Variants in CNTNAP2 observed in about 807,000 individuals in gnomAD.
The protein encoded by CNTNAP2 is contactin associated protein 2.
Under a neutral mutation model 155.2 loss-of-function variants are expected in CNTNAP2, and 98 were observed. That is an observed-to-expected ratio of 0.63 (90% CI 0.54 to 0.75). The LOEUF (loss-of-function observed/expected upper bound fraction) is 0.75. Among genes scored for constraint, CNTNAP2 ranks in the 30% least tolerant of loss-of-function variants. CNTNAP2 has a pLI of 0.00. For synonymous variants in CNTNAP2, 651 were observed against 631.2 expected (o/e 1.03, Z -0.47); for missense variants, 1,727 against 1,688.1 (o/e 1.02, Z -0.40).
chr7:148,140,414 T>G (rs551925384), intron 16 of CNTNAP2, among the ~76,000 whole-genome samples: 2 of 149,828 alleles, frequency 1.3e-5, no homozygotes, highest in South Asian at 4.2e-4. Flanking sequence ...CCATCTTTTT[T>G]CTTTTTCTTT....
chr7:146,375,306 C>G (rs560296016), intron 1 of CNTNAP2, among the ~76,000 whole-genome samples: 5 of 152,316 alleles, frequency 3.3e-5, no homozygotes, highest in African/African-American at 9.6e-5. Context: ...AGTATGGACT[C>G]CAGCCAGAAT....
intron 1 of CNTNAP2, among the ~76,000 whole-genome samples, chr7:146,272,296 G>A (rs543819143): frequency 6.6e-6 from 1 of 152,200 alleles, no homozygotes; most frequent in East Asian, 1.9e-4. Flanking sequence ...ACAGGAGCAT[G>A]GAGGTAATCA....
intron 21 of CNTNAP2, among the ~76,000 whole-genome samples, chr7:148,383,176 A>G (rs1404897613): frequency 2.1e-5 from 3 of 145,318 alleles, no homozygotes; most frequent in Non-Finnish European, 4.5e-5. Flanking sequence ...ACAGGCTACT[A>G]GAATTCTTGT....
At chr7:147,624,288 C>T (rs1203581849) in intron 12 of CNTNAP2, among the ~76,000 whole-genome samples, 3 of 151,842 alleles carry the variant, frequency 2.0e-5, no homozygotes, top group Admixed American at 6.6e-5. Context: ...AAAACTTCTG[C>T]ACAGCAAACA....
chr7:147,364,968 A>T (rs1258365808), intron 9 of CNTNAP2, among the ~76,000 whole-genome samples: 2 of 152,212 alleles, frequency 1.3e-5, no homozygotes, highest in African/African-American at 4.8e-5. Flanking sequence ...GTATTTTTTT[A>T]AGTAAAAGAA....
At chr7:147,980,402 A>G (rs139382250) in intron 15 of CNTNAP2, among the ~76,000 whole-genome samples, 18 of 152,322 alleles carry the variant, frequency 1.2e-4, no homozygotes, top group African/African-American at 3.8e-4. Context: ...TGATCTCAGT[A>G]TACTTATAAT....
Position 147,407,499 on chromosome 7 carries a change from A to G in CNTNAP2, c.1670+11719A>G, listed in dbSNP as rs1166592424. On this transcript the variant is annotated intron_variant, in intron 10 of 23. Transcript: ENST00000361727. ...AAAAAAAAAAAAAAAAAAAAAAAAA[A>G]AAAAAGAAATACCATACACATGAAG... Among the ~76,000 whole-genome samples the G allele has an allele frequency of 9.5e-5, 14 of 147,230 alleles. 1 individual carries two copies. The highest frequency in any genetic ancestry group is 7.9e-4 in the East Asian group (4 of 5,078).
intron 11 of CNTNAP2, among the ~76,000 whole-genome samples, chr7:147,551,246 G>A (rs907951167): frequency 2.0e-5 from 3 of 152,088 alleles, no homozygotes; most frequent in East Asian, 3.9e-4. Flanking sequence ...GCTGTAAATA[G>A]GATCAATAAA....
chr7:147,467,747 T>G (rs1479906428), intron 10 of CNTNAP2, among the ~76,000 whole-genome samples: 4 of 152,308 alleles, frequency 2.6e-5, no homozygotes, highest in African/African-American at 7.2e-5. Context: ...AAAGAACAGC[T>G]GTGGCTGGGC....
At chr7:147,855,919 T>A (rs1051740415) in intron 13 of CNTNAP2, among the ~76,000 whole-genome samples, 2 of 152,128 alleles carry the variant, frequency 1.3e-5, no homozygotes, top group African/African-American at 4.8e-5. Flanking sequence ...TAAAAGGCCT[T>A]GCCCTTTCCA....
chr7:146,763,429 T>A (rs1026207040), intron 1 of CNTNAP2, among the ~76,000 whole-genome samples: 5 of 152,174 alleles, frequency 3.3e-5, no homozygotes, highest in Admixed American at 1.3e-4. Flanking sequence ...TTCCCTATAA[T>A]TAACACCATC....
chr7:147,729,751 A>G (rs1796708705), intron 13 of CNTNAP2, among the ~76,000 whole-genome samples: 3 of 152,096 alleles, frequency 2.0e-5, no homozygotes, highest in Admixed American at 1.3e-4. Flanking sequence ...TACTTCAGGC[A>G]GTAGAAAACC....
At chr7:146,886,820 G>T (rs904438120) in intron 3 of CNTNAP2, among the ~76,000 whole-genome samples, 1 of 150,404 alleles carries the variant, frequency 6.6e-6, no homozygotes, top group African/African-American at 2.5e-5. Flanking sequence ...GCGTGAACAC[G>T]AAATGGATTT....
At chr7:148,138,792 A>G (rs1300085173) in intron 16 of CNTNAP2, among the ~76,000 whole-genome samples, 1 of 152,158 alleles carries the variant, frequency 6.6e-6, no homozygotes, top group African/African-American at 2.4e-5. Context: ...GGTATTTAAA[A>G]CCCAACTGCA....
At chr7:147,407,812 G>A (rs540942709) in intron 10 of CNTNAP2, among the ~76,000 whole-genome samples, 21 of 152,270 alleles carry the variant, frequency 1.4e-4, no homozygotes, top group South Asian at 1.0e-3. Context: ...AATGAAAACC[G>A]CATAAAAGAA....
intron 1 of CNTNAP2, among the ~76,000 whole-genome samples, chr7:146,643,145 C>A (rs986372470): frequency 6.7e-6 from 1 of 148,918 alleles, no homozygotes; most frequent in African/African-American, 2.5e-5. Context: ...TTTTGCTGTG[C>A]AGAAGCTCTT....
At chr7:147,048,946 A>G (rs1584804568) in intron 4 of CNTNAP2, among the ~76,000 whole-genome samples, 1 of 152,230 alleles carries the variant, frequency 6.6e-6, no homozygotes, top group East Asian at 1.9e-4. Flanking sequence ...CAGTCATCTT[A>G]CTAACCACAC....
At chr7:146,446,071 TACTA>T (rs1796397817) in intron 1 of CNTNAP2, among the ~76,000 whole-genome samples, 1 of 152,166 alleles carries the variant, frequency 6.6e-6, no homozygotes, top group Non-Finnish European at 1.5e-5. Flanking sequence ...AGATCATTCT[TACTA>T]AGTTCATTGG....
chr7:146,443,691 G>C (rs898374452), intron 1 of CNTNAP2, among the ~76,000 whole-genome samples: 5 of 152,256 alleles, frequency 3.3e-5, no homozygotes, highest in Middle Eastern at 3.4e-3. Flanking sequence ...TTATATTCAG[G>C]TTTTGTCTGC....
Sources: allele counts gnomAD v4.1 joint callset (sites outside exome capture counted in the v4.1 genomes callset), GRCh38; gene constraint gnomAD v4.1.1; transcripts MANE v1.5; gene names NCBI Gene and HGNC (gene_info 2026-07-23, HGNC 2026-07-21).